OLAH: variants seen among roughly 807,000 people sequenced by gnomAD.
OLAH encodes oleoyl-ACP hydrolase.
In OLAH, 33 loss-of-function variants were observed where a neutral mutation model predicts 27.8. That is an observed-to-expected ratio of 1.19 (90% CI 0.90 to 1.59). The LOEUF (loss-of-function observed/expected upper bound fraction) is 1.59, where lower values mean the gene tolerates loss of function less well. OLAH is among the 40% of genes most tolerant of loss of function. The probability of loss-of-function intolerance (pLI) is 0.00; values close to 1 mark genes in which losing one functional copy is unlikely to be tolerated. For synonymous variants in OLAH, 120 were observed against 102.9 expected (o/e 1.17, Z -1.01); for missense variants, 359 against 310.8 (o/e 1.16, Z -1.17).
intron 6 of OLAH, among the ~76,000 whole-genome samples, chr10:15,066,876 G>T (rs1397053848): frequency 6.6e-6 from 1 of 152,082 alleles, no homozygotes; most frequent in Non-Finnish European, 1.5e-5. Context: ...CTGACCTGAG[G>T]TGATCCACCC....
chr10:15,035,989 G>T (rs982107953), intron 1 of OLAH, among the ~76,000 whole-genome samples: 2 of 152,032 alleles, frequency 1.3e-5, no homozygotes, highest in African/African-American at 4.8e-5. Context: ...GGCCTCCCAG[G>T]GGCTGAGTGA....
chr10:15,043,594 C>A (rs1163704001), upstream of OLAH, among the ~76,000 whole-genome samples: 1 of 151,712 alleles, frequency 6.6e-6, no homozygotes, highest in Non-Finnish European at 1.5e-5. Flanking sequence ...CCTGCCTCAG[C>A]CTCCTCAGTA....
chr10:15,047,662 G>A (rs150047369), intron 2 of OLAH, among the ~76,000 whole-genome samples: 1,789 of 152,164 alleles, frequency 0.012, 33 homozygotes, highest in African/African-American at 0.041. Flanking sequence ...ACGAGATCGC[G>A]CCACTGCACT....
At chr10:15,048,136 T>G (rs1307803713) in intron 2 of OLAH, among the ~76,000 whole-genome samples, 1 of 152,218 alleles carries the variant, frequency 6.6e-6, no homozygotes, top group African/African-American at 2.4e-5. Flanking sequence ...AGGATGACTT[T>G]TTCAAAAAGA....
rs1433445795 is a variant in OLAH at position 15,073,308 on chromosome 10, T to A, written c.*79T>A. ...TTATTCAGATATAGCTCAGTTTTAT[T>A]CAGATTGGAAATTACACATTTTCTA... is the stretch of plus-strand genomic sequence containing the variant. On this transcript the variant is annotated 3_prime_UTR_variant, in exon 8 of 8. Coordinates refer to ENST00000378228, the MANE Select transcript of OLAH (RefSeq NM_001039702.3). The A allele has an allele frequency of 9.5e-6, 9 of 947,696 alleles. No homozygotes were observed. Among genetic ancestry groups the A allele is most frequent in the Non-Finnish European group, 1.4e-5 (9 of 635,888 alleles). 58.7% of individuals were successfully genotyped at this position (947,696 alleles called of 1,614,324 possible). A position where few individuals can be genotyped will look rare whatever the true frequency, so the allele number is the denominator to read the frequency against.
At chr10:15,040,097 C>T (rs551844237), upstream of OLAH, among the ~76,000 whole-genome samples, 1 of 152,278 alleles carries the variant, frequency 6.6e-6, no homozygotes, top group East Asian at 1.9e-4. Flanking sequence ...TATGGACTTA[C>T]TCTTTGTCCC....
intron 1 of OLAH, among the ~76,000 whole-genome samples, chr10:15,035,581 C>T (rs1843829276): frequency 1.3e-5 from 2 of 152,074 alleles, no homozygotes; most frequent in Admixed American, 1.3e-4. Context: ...ACGTGGGATC[C>T]GCCCCCTTGA....
intron 3 of OLAH, among the ~76,000 whole-genome samples, chr10:15,060,877 T>G (rs1429156123): frequency 6.6e-6 from 1 of 152,196 alleles, no homozygotes; most frequent in Non-Finnish European, 1.5e-5. Flanking sequence ...GTTGTATTCC[T>G]GTACAGTGTG....
intron 5 of OLAH, 149 bp downstream of exon 5, chr10:15,064,651 G>T (rs967083336): frequency 7.3e-6 from 4 of 545,368 alleles, no homozygotes; most frequent in Non-Finnish European, 9.4e-6. Context: ...AGCCATTGAG[G>T]TTTTTGCCAC....
chr10:15,073,775 C>T lies in OLAH; in HGVS notation c.*546C>T, dbSNP rs1305047826. 3 of 151,860 alleles carry T rather than the reference C, an allele frequency of 2.0e-5. No individual in the cohort carries two copies. The highest frequency in any genetic ancestry group is 1.5e-5 in the Non-Finnish European group (1 of 67,996). 9.4% of individuals were successfully genotyped at this position (151,860 alleles called of 1,614,324 possible). A position where few individuals can be genotyped will look rare whatever the true frequency, so the allele number is the denominator to read the frequency against. ...CAAAATTCATGATTAGTAAATTATCCATTTTTTCCTTCAGTTAGTTTAATG... is the reference window on the plus strand; with the variant it reads ...CAAAATTCATGATTAGTAAATTATCTATTTTTTCCTTCAGTTAGTTTAATG... On this transcript the variant is annotated 3_prime_UTR_variant, in exon 8 of 8. Transcript: ENST00000378228.
chr10:15,062,741 CTT>C (rs773373248), intron 4 of OLAH, among the ~76,000 whole-genome samples: 16 of 140,082 alleles, frequency 1.1e-4, no homozygotes, highest in Admixed American at 2.1e-4. Flanking sequence ...AGTGAACATT[CTT>C]TTTTTTTTTT....
At chr10:15,058,161 T>C (rs1844283004) in intron 3 of OLAH, among the ~76,000 whole-genome samples, 1 of 152,244 alleles carries the variant, frequency 6.6e-6, no homozygotes, top group Admixed American at 6.5e-5. Context: ...AGTATTGTTT[T>C]GATTTAGCAA....
chr10:15,072,253 T>A (rs944087152), intron 7 of OLAH, among the ~76,000 whole-genome samples: 1 of 151,978 alleles, frequency 6.6e-6, no homozygotes, highest in African/African-American at 2.4e-5. Context: ...TTTTTTTTTT[T>A]AATTTTTATG....
rs144829655 is a variant in OLAH at position 15,056,976 on chromosome 10, T to A, written c.164-4748T>A. The A allele has an allele frequency of 1.2e-3, 1,645 of 1,428,654 alleles. 17 individuals carry two copies. The African/African-American group carries it at 0.022, about 19-fold the overall frequency. The allele number at this position is 1,428,654 out of a possible 1,614,324, so 88.5% of individuals were successfully genotyped here. A position where few individuals can be genotyped will look rare whatever the true frequency, so the allele number is the denominator to read the frequency against. ...TCTTGGTCTATTCTGGATTCTAATT[T>A]TTTTTAGTAGGTTTTTTGTGTTGAA... On this transcript the variant is annotated intron_variant, in intron 3 of 7. Coordinates refer to ENST00000378228, the MANE Select transcript of OLAH (RefSeq NM_001039702.3).
At chr10:15,060,209 G>A (rs7089794) in intron 3 of OLAH, among the ~76,000 whole-genome samples, 63,080 of 151,658 alleles carry the variant, frequency 0.42, 13,316 homozygotes, top group East Asian at 0.61. Flanking sequence ...TCAGTCTGTC[G>A]TCCAGGCTGG....
intron 1 of OLAH, among the ~76,000 whole-genome samples, chr10:15,046,634 T>C (rs968316006): frequency 1.3e-5 from 2 of 151,988 alleles, no homozygotes; most frequent in South Asian, 2.1e-4. Flanking sequence ...ATCCGGCTAA[T>C]TTTTATATTT....
intron 1 of OLAH, among the ~76,000 whole-genome samples, chr10:15,033,329 G>C (rs1291337821): frequency 6.6e-6 from 1 of 152,006 alleles, no homozygotes; most frequent in Non-Finnish European, 1.5e-5. Context: ...GACTGTAAAG[G>C]GCAAATCCTT....
chr10:15,042,849 CTTTTT>C (rs67828197), upstream of OLAH, among the ~76,000 whole-genome samples: 3 of 60,604 alleles, frequency 5.0e-5, no homozygotes, highest in Admixed American at 2.4e-4. Context: ...ACCCACGTGT[CTTTTT>C]TTTTTTTTTT....
intron 3 of OLAH, among the ~76,000 whole-genome samples, chr10:15,055,837 T>A (rs1437938639): frequency 2.6e-5 from 4 of 151,628 alleles, no homozygotes; most frequent in Admixed American, 1.3e-4. Context: ...CTCTCATATT[T>A]CTAACTTTAT....
Sources: gnomAD v4.1 joint callset for allele counts (sites outside exome capture counted in the v4.1 genomes callset) on GRCh38, gnomAD v4.1.1 for gene constraint, MANE v1.5 for transcripts, NCBI Gene and HGNC (gene_info 2026-07-23, HGNC 2026-07-21) for gene names.